The following ADGRL3 variants were observed in gnomAD, a reference collection of about 807,000 sequenced individuals.
The protein encoded by ADGRL3 is calcium-independent alpha-latrotoxin receptor 3.
In ADGRL3, 62 loss-of-function variants were observed where a neutral mutation model predicts 153.5. The ratio of observed to expected loss-of-function variants is 0.40; its 90% CI spans 0.33 to 0.50. ADGRL3 has a LOEUF of 0.50. Ranked by LOEUF, ADGRL3 falls within the 20% of genes least tolerant of loss-of-function variation. The probability of loss-of-function intolerance (pLI) is 0.47; values close to 1 mark genes in which losing one functional copy is unlikely to be tolerated. For missense variants in ADGRL3, 1,641 were observed against 1,859.4 expected (o/e 0.88, Z 2.16); for synonymous variants, 710 against 672.5 (o/e 1.06, Z -0.86).
intron 23 of ADGRL3, among the ~76,000 whole-genome samples, chr4:62,035,126 A>T (rs1318689517): frequency 6.6e-6 from 1 of 151,922 alleles, no homozygotes; most frequent in Non-Finnish European, 1.5e-5. Flanking sequence ...TCTTCTTTTT[A>T]AGACATATGC....
chr4:61,771,857 A>C (rs2097091190), intron 8 of ADGRL3, among the ~76,000 whole-genome samples: 1 of 152,220 alleles, frequency 6.6e-6, no homozygotes. Context: ...CTCATGATCC[A>C]GTGCCACTAC....
intron 1 of ADGRL3, among the ~76,000 whole-genome samples, chr4:61,379,452 T>C (rs2096641942): frequency 6.6e-6 from 1 of 152,038 alleles, no homozygotes; most frequent in African/African-American, 2.4e-5. Flanking sequence ...TTAACTCTTG[T>C]AGACAAAAAG....
chr4:62,007,425 CATAT>C (rs373551662), intron 21 of ADGRL3, among the ~76,000 whole-genome samples: 7 of 99,396 alleles, frequency 7.0e-5, no homozygotes, highest in African/African-American at 1.9e-4. Flanking sequence ...TATATATACA[CATAT>C]ATATATATAT....
chr4:61,274,880 G>C (rs181693863), intron 1 of ADGRL3, among the ~76,000 whole-genome samples: 1 of 152,230 alleles, frequency 6.6e-6, no homozygotes, highest in Non-Finnish European at 1.5e-5. Context: ...CAGTGATCAT[G>C]CCACTGCACT....
chr4:61,267,297 A>G (rs2149713333), intron 1 of ADGRL3, among the ~76,000 whole-genome samples: 1 of 151,882 alleles, frequency 6.6e-6, no homozygotes, highest in East Asian at 1.9e-4. Context: ...CTTAGCAGGA[A>G]TAAAAGTCTC....
intron 1 of ADGRL3, among the ~76,000 whole-genome samples, chr4:61,204,892 G>A (rs1417193358): frequency 2.6e-5 from 4 of 152,074 alleles, no homozygotes; most frequent in Non-Finnish European, 5.9e-5. Context: ...GACTGAGAGT[G>A]CTCCTCAAAA....
At chr4:61,260,973 C>T (rs564044570) in intron 1 of ADGRL3, among the ~76,000 whole-genome samples, 1 of 152,038 alleles carries the variant, frequency 6.6e-6, no homozygotes, top group African/African-American at 2.4e-5. Context: ...AGATCCTCCC[C>T]TCTTGGCATC....
chr4:61,344,832 G>A (rs1302524050), intron 1 of ADGRL3, among the ~76,000 whole-genome samples: 1 of 151,888 alleles, frequency 6.6e-6, no homozygotes, highest in African/African-American at 2.4e-5. Flanking sequence ...TGTTGCCCAG[G>A]CTGGAGTGCA....
At chr4:61,303,064 G>A (rs1340209992) in intron 1 of ADGRL3, among the ~76,000 whole-genome samples, 1 of 152,076 alleles carries the variant, frequency 6.6e-6, no homozygotes, top group African/African-American at 2.4e-5. Flanking sequence ...CCTCCAAAAC[G>A]TTAGTGAATT....
intron 2 of ADGRL3, chr4:61,420,201 A>G (rs915291351): frequency 5.9e-5 from 9 of 152,074 alleles, no homozygotes; most frequent in Non-Finnish European, 2.9e-5. Context: ...TATTGTCTTC[A>G]TTTGTTCTCC....
chr4:61,855,589 A>G (rs6837612), intron 9 of ADGRL3, among the ~76,000 whole-genome samples: 26,809 of 152,090 alleles, frequency 0.18, 3,091 homozygotes, highest in African/African-American at 0.33. Flanking sequence ...ATTATAGAAA[A>G]TATCAAGAGA....
intron 17 of ADGRL3, among the ~76,000 whole-genome samples, chr4:61,951,705 A>C (rs2098947923): frequency 6.6e-6 from 1 of 151,924 alleles, no homozygotes; most frequent in African/African-American, 2.4e-5. Context: ...CTCTCCACTA[A>C]AATACAAAAA....
At chr4:61,923,706 C>G (rs2098781219) in intron 13 of ADGRL3, among the ~76,000 whole-genome samples, 2 of 152,166 alleles carry the variant, frequency 1.3e-5, no homozygotes, top group Non-Finnish European at 2.9e-5. Context: ...TCTAAAGAAG[C>G]ATTCTTTGTC....
At chr4:61,562,344 A>G (rs2098798694) in intron 4 of ADGRL3, among the ~76,000 whole-genome samples, 1 of 152,146 alleles carries the variant, frequency 6.6e-6, no homozygotes, top group Non-Finnish European at 1.5e-5. Context: ...TCTTAAAATA[A>G]GACAACAGTG....
chr4:61,660,313 A>G (rs900764353), intron 5 of ADGRL3, among the ~76,000 whole-genome samples: 2 of 152,210 alleles, frequency 1.3e-5, no homozygotes, highest in Non-Finnish European at 2.9e-5. Context: ...TTACATGAGT[A>G]TAGTAAAACT....
intron 1 of ADGRL3, among the ~76,000 whole-genome samples, chr4:61,339,054 A>C (rs1255614492): frequency 2.0e-5 from 3 of 152,160 alleles, no homozygotes; most frequent in African/African-American, 7.2e-5. Flanking sequence ...AATTCCCCTC[A>C]TAGACCACTA....
chr4:61,797,209 CAT>C (rs1426182203), intron 8 of ADGRL3, among the ~76,000 whole-genome samples: 2 of 152,098 alleles, frequency 1.3e-5, no homozygotes, highest in Admixed American at 6.5e-5. Context: ...TAAATTAAAA[CAT>C]AGGAAAATCA....
intron 2 of ADGRL3, among the ~76,000 whole-genome samples, chr4:61,395,422 T>TTCTTAGTCTTCACCAAA (rs1485713894): frequency 3.3e-5 from 5 of 151,972 alleles, no homozygotes; most frequent in African/African-American, 1.2e-4. Flanking sequence ...GAATAATGAA[T>TTCTTAGTCTTCACCAAA]TAATGGAGTC....
chr4:61,622,983 G>A (rs946911003), intron 5 of ADGRL3, among the ~76,000 whole-genome samples: 2 of 151,870 alleles, frequency 1.3e-5, no homozygotes, highest in Non-Finnish European at 2.9e-5. Context: ...TTATTTCAGA[G>A]GGAAACAACG....
Sources: gnomAD v4.1 joint callset for allele counts (sites outside exome capture counted in the v4.1 genomes callset) on GRCh38, gnomAD v4.1.1 for gene constraint, MANE v1.5 for transcripts, NCBI Gene and HGNC (gene_info 2026-07-23, HGNC 2026-07-21) for gene names.